RASGRP2: variants seen among roughly 807,000 people sequenced by gnomAD.
The protein encoded by RASGRP2 is RAS guanyl releasing protein 2, also known as RAS guanyl-releasing protein 2.
Under a neutral mutation model 71.0 loss-of-function variants are expected in RASGRP2, and 44 were observed. The ratio of observed to expected loss-of-function variants is 0.62; its 90% confidence interval spans 0.49 to 0.80. RASGRP2 has a LOEUF of 0.80. Ranked by LOEUF, RASGRP2 falls within the 30% of genes least tolerant of loss-of-function variation. RASGRP2 has a pLI of 0.00. For synonymous variants in RASGRP2, 350 were observed against 330.7 expected (o/e 1.06, Z -0.63); for missense variants, 663 against 813.4 (o/e 0.82, Z 2.25).
At chr11:64,740,853 T>C (rs765409036) in intron 5 of RASGRP2, 95 bp downstream of exon 5, 11 of 1,516,890 alleles carry the variant, frequency 7.3e-6, no homozygotes, top group Non-Finnish European at 1.0e-5. Context: ...GAGAGCAACA[T>C]GACCCTCACT....
chr11:64,727,413 T>A (rs986035520), intron 15 of RASGRP2, 53 bp from the exon 16 acceptor site: 1 of 1,568,028 alleles, frequency 6.4e-7, no homozygotes, highest in Non-Finnish European at 8.8e-7. Context: ...TGGGACTTCA[T>A]CAACCCTTCC....
chr11:64,741,081 T>A lies in RASGRP2; in HGVS notation c.240-2A>T. ...GCTGGGAAGGCGGAGATCCAGTACCTGGAGGAGCGGGGAGTCACCCAAGAT... is the reference window on the plus strand; with the variant it reads ...GCTGGGAAGGCGGAGATCCAGTACCAGGAGGAGCGGGGAGTCACCCAAGAT... On this transcript the variant is annotated splice_acceptor_variant, in intron 4 of 16. Transcript: ENST00000394432. LOFTEE classifies it high-confidence loss of function. 1 of 1,612,262 alleles carries A rather than the reference T, an allele frequency of 6.2e-7. No homozygotes were observed. Among genetic ancestry groups the A allele is most frequent in the South Asian group, 1.1e-5 (1 of 90,958 alleles).
At position 64,743,334 on chromosome 11, in the gene RASGRP2, C is replaced by A; in HGVS notation, c.-71-397G>T. 2.3e-6 allele frequency: 1 copy of A among 439,848 alleles called. No individual in the cohort carries two copies. Among genetic ancestry groups the A allele is most frequent in the South Asian group, 1.6e-5 (1 of 62,178 alleles). The allele number at this position is 439,848 out of a possible 1,614,324, so 27.2% of individuals were successfully genotyped here. The stretch of plus-strand genomic sequence containing the variant: ...TCCCTCCACAGCCTCCCTTCCCCCG[C>A]AGGGTTATTTTGGGAACCCAGAGCC... On this transcript the variant is annotated intron_variant, in intron 1 of 16. Transcript: ENST00000394432. This position sits in a 1 kb window ranked among gnomAD's most constrained non-coding sequence, Gnocchi z 4.9.
chr11:64,743,170 G>A lies in RASGRP2; in HGVS notation c.-71-233C>T, dbSNP rs1212764530. 3.3e-6 allele frequency: 2 copies of A among 599,416 alleles called. No homozygotes were observed. Among genetic ancestry groups the A allele is most frequent in the Admixed American group, 4.3e-5 (2 of 46,532 alleles). The allele number at this position is 599,416 out of a possible 1,614,324, so 37.1% of individuals were successfully genotyped here. On this transcript the variant is annotated intron_variant, in intron 1 of 16. Coordinates refer to ENST00000394432, the MANE Select transcript of RASGRP2 (RefSeq NM_001098671.2). The surrounding 1 kb of genome is among the most constrained non-coding windows in gnomAD (Gnocchi z 4.9). Reference sequence around the variant, plus strand: ...CTCGGAGTCGCGGGAAGGCCGAGGGGCTTCACGAGGATGGGGACGAACCAA... The same window carrying A: ...CTCGGAGTCGCGGGAAGGCCGAGGGACTTCACGAGGATGGGGACGAACCAA...
At chr11:64,740,722 C>A in intron 5 of RASGRP2, 4 of 679,046 alleles carry the variant, frequency 5.9e-6, no homozygotes, top group African/African-American at 1.8e-5. Flanking sequence ...GCCGACCCAG[C>A]GCAGCTACAG....
At chr11:64,745,083 GGAGGC>G, upstream of RASGRP2, 1 of 151,826 alleles carries the variant, frequency 6.6e-6, no homozygotes. Context: ...GCGGGCGACC[GGAGGC>G]CCCGCCGCCC....
chr11:64,744,616 A>G (rs1484814296), upstream of RASGRP2: 1 of 149,360 alleles, frequency 6.7e-6, no homozygotes, highest in Non-Finnish European at 1.5e-5. Flanking sequence ...CCTCTCCCAG[A>G]CCCGGGCCGC....
chr11:64,728,229 G>A (rs2135720439), intron 15 of RASGRP2, among the ~76,000 whole-genome samples: 1 of 152,282 alleles, frequency 6.6e-6, no homozygotes, highest in East Asian at 1.9e-4. Context: ...AGCCAGAAAG[G>A]GAAAGGCAAG....
chr11:64,739,505 G>C lies in RASGRP2; in HGVS notation c.697-29C>G, dbSNP rs369281423. ...GAAGGCAAATGGGGACGGAGAGGCAGGGAGTCACTGAGTGGGCCCAGAATT... is the reference window on the plus strand; with the variant it reads ...GAAGGCAAATGGGGACGGAGAGGCACGGAGTCACTGAGTGGGCCCAGAATT... On this transcript the variant is annotated intron_variant, in intron 7 of 16. Transcript: ENST00000394432. The surrounding 1 kb of genome is among the most constrained non-coding windows in gnomAD (Gnocchi z 4.2). 4 of 1,611,036 alleles carry C rather than the reference G, an allele frequency of 2.5e-6. No individual in the cohort carries two copies. The Admixed American group carries it at 6.7e-5, about 27-fold the overall frequency.
chr11:64,727,685 G>C (rs917258142), intron 15 of RASGRP2, among the ~76,000 whole-genome samples: 10 of 151,826 alleles, frequency 6.6e-5, no homozygotes, highest in African/African-American at 2.4e-4. Context: ...GCTAATTTTT[G>C]TATTTTTGTA....
intron 5 of RASGRP2, chr11:64,740,430 C>A: frequency 1.5e-6 from 1 of 658,602 alleles, no homozygotes; most frequent in Non-Finnish European, 2.9e-6. Context: ...GGTTCCTGCC[C>A]TCGAGGAGCT....
In RASGRP2 at chr11:64,735,100, A is replaced by G; in HGVS notation, c.1412+12T>C. 6.2e-7 allele frequency: 1 copy of G among 1,603,980 alleles called. No individual in the cohort carries two copies. Among genetic ancestry groups the G allele is most frequent in the Non-Finnish European group, 8.5e-7 (1 of 1,170,768 alleles). On this transcript the variant is annotated intron_variant, in intron 12 of 16. Transcript: ENST00000394432. The surrounding 1 kb of genome is among the most constrained non-coding windows in gnomAD (Gnocchi z 4.2). ...TGCCTTCCCTCTCCCCCAGGTCCCCAGCCCTCCTCACTGGTTCTGGTCGAG... is the reference window on the plus strand; with the variant it reads ...TGCCTTCCCTCTCCCCCAGGTCCCCGGCCCTCCTCACTGGTTCTGGTCGAG...
In RASGRP2 at chr11:64,742,293, G is replaced by C. The variant is rs1222360693; in HGVS notation, c.74-181C>G. Among the ~76,000 whole-genome samples the C allele has an allele frequency of 6.6e-6, 1 of 152,134 alleles. No homozygotes were observed. The highest frequency in any genetic ancestry group is 1.5e-5 in the Non-Finnish European group (1 of 68,004). Reference sequence around the variant, plus strand: ...TAGAGAGGAAAGGTGTGGTGGGCGAGAGATAGGCACGCCCTGAGGACTGGA... The same window carrying C: ...TAGAGAGGAAAGGTGTGGTGGGCGACAGATAGGCACGCCCTGAGGACTGGA... On this transcript the variant is annotated intron_variant, in intron 2 of 16. Coordinates refer to ENST00000394432, the MANE Select transcript of RASGRP2 (RefSeq NM_001098671.2). The surrounding 1 kb of genome is among the most constrained non-coding windows in gnomAD (Gnocchi z 4.7).
intron 9 of RASGRP2, 54 bp from the exon 10 acceptor site, chr11:64,736,034 C>T: frequency 6.7e-7 from 1 of 1,500,800 alleles, no homozygotes; most frequent in South Asian, 1.1e-5. Context: ...AGCCACAGAG[C>T]CCAGGGCCAA....
At chr11:64,736,319 C>T (rs1220312242) in intron 9 of RASGRP2, among the ~76,000 whole-genome samples, 1 of 152,132 alleles carries the variant, frequency 6.6e-6, no homozygotes, top group African/African-American at 2.4e-5. Context: ...ACTTAAGCCC[C>T]AGCCCAATGT....
intron 5 of RASGRP2, 128 bp from the exon 6 acceptor site, chr11:64,740,291 T>C: frequency 2.5e-6 from 3 of 1,220,598 alleles, no homozygotes; most frequent in Non-Finnish European, 3.6e-6. Context: ...TAGGCACGAA[T>C]GTTCCCAGTC....
At position 64,736,034 on chromosome 11, in the gene RASGRP2, C is replaced by A. The variant is rs994376298; in HGVS notation, c.1096-54G>T. On this transcript the variant is annotated intron_variant, in intron 9 of 16. Transcript: ENST00000394432. The stretch of plus-strand genomic sequence containing the variant: ...CTGGCCCCTGCCCACAGCCACAGAG[C>A]CCAGGGCCAAAGGTCGACCTAGAGG... 9.3e-6 allele frequency: 14 copies of A among 1,500,680 alleles called. No individual in the cohort carries two copies. In the Admixed American group the frequency reaches 1.4e-4, roughly 15 times the overall value. 93.0% of individuals were successfully genotyped at this position (1,500,680 alleles called of 1,614,324 possible).
At position 64,743,011 on chromosome 11, in the gene RASGRP2, C is replaced by A; in HGVS notation, c.-71-74G>T. ...AGCGGCCCCGCGGGCAGAAACGGGGCGGGGCGGGCACGCCCCCTGCTGGAC... is the reference window on the plus strand; with the variant it reads ...AGCGGCCCCGCGGGCAGAAACGGGGAGGGGCGGGCACGCCCCCTGCTGGAC... On this transcript the variant is annotated intron_variant, in intron 1 of 16. Transcript: ENST00000394432. This position sits in a 1 kb window ranked among gnomAD's most constrained non-coding sequence, Gnocchi z 4.9. 6.8e-7 allele frequency: 1 copy of A among 1,461,760 alleles called. No homozygotes were observed. The allele number at this position is 1,461,760 out of a possible 1,614,324, so 90.5% of individuals were successfully genotyped here.
chr11:64,742,885 G>T lies in RASGRP2; in HGVS notation c.-19C>A. ...CTGCCATGGCCGCCGGCGCGGGGTG[G>T]GCTGGGCCCAGGCTGCGCTCCGGGA... On this transcript the variant is annotated 5_prime_UTR_variant, in exon 2 of 17. Transcript: ENST00000394432. The surrounding 1 kb of genome is among the most constrained non-coding windows in gnomAD (Gnocchi z 4.7). The T allele has an allele frequency of 6.3e-7, 1 of 1,575,988 alleles. No homozygotes were observed. The highest frequency in any genetic ancestry group is 1.2e-5 in the South Asian group (1 of 86,908).
Sources: gnomAD v4.1 joint callset for allele counts (sites outside exome capture counted in the v4.1 genomes callset) on GRCh38, gnomAD v4.1.1 for gene constraint, Gnocchi (gnomAD v3.1) non-coding constraint, MANE v1.5 for transcripts, NCBI Gene and HGNC (gene_info 2026-07-23, HGNC 2026-07-21) for gene names.